The following GUCY1A2 variants were observed in gnomAD, a reference collection of about 807,000 sequenced individuals.
GUCY1A2 encodes the protein guanylate cyclase 1 soluble subunit alpha 2, also known as guanylate cyclase soluble subunit alpha-2.
GUCY1A2 carries 27 observed loss-of-function variants against 63.5 expected under a neutral mutation model. The ratio of observed to expected loss-of-function variants is 0.43; its 90% confidence interval spans 0.31 to 0.59. The LOEUF is 0.59. Among genes scored for constraint, GUCY1A2 ranks in the 20% least tolerant of loss-of-function variants. The pLI is 0.11. For synonymous variants in GUCY1A2, 364 were observed against 343.5 expected (o/e 1.06, Z -0.66); for missense variants, 768 against 913.3 (o/e 0.84, Z 2.05).
At chr11:106,714,360 G>C (rs1863180384) in intron 6 of GUCY1A2, among the ~76,000 whole-genome samples, 1 of 152,180 alleles carries the variant, frequency 6.6e-6, no homozygotes, top group East Asian at 1.9e-4. Context: ...AGTTTGGGAA[G>C]TAAGGCGATA....
rs111904120 is a variant in GUCY1A2 at position 106,888,463 on chromosome 11, T to A, written c.1206+50997A>T. 8.2e-4 allele frequency among the ~76,000 whole-genome samples: 124 copies of A among 151,660 alleles called. 1 individual carries two copies. The highest frequency in any genetic ancestry group is 2.9e-3 in the African/African-American group (120 of 41,416). ...CTGGGCGACAAAGCAAGATGCCATC[T>A]CAAAAAAGAAAGAAAAAAAAATGAT... is the stretch of plus-strand genomic sequence containing the variant. On this transcript the variant is annotated intron_variant, in intron 4 of 7. Coordinates refer to ENST00000526355, the MANE Select transcript of GUCY1A2 (RefSeq NM_000855.3).
intron 5 of GUCY1A2, among the ~76,000 whole-genome samples, chr11:106,785,575 C>T (rs1176700987): frequency 6.6e-6 from 1 of 151,560 alleles, no homozygotes; most frequent in Non-Finnish European, 1.5e-5. Flanking sequence ...ATCAGGATGC[C>T]CATAAGAGTT....
Position 106,741,280 on chromosome 11 carries a change from G to C in GUCY1A2, c.1837-32614C>G, listed in dbSNP as rs187097738. ...AGAAAGTCTTCAAGTCTGGTATGTA[G>C]TTTTTATTTACAGCACATCTCAATT... On this transcript the variant is annotated intron_variant, in intron 6 of 7. Transcript: ENST00000526355. Among the ~76,000 whole-genome samples the C allele has an allele frequency of 1.4e-3, 214 of 152,264 alleles. 1 individual carries two copies. Among genetic ancestry groups the C allele is most frequent in the African/African-American group, 5.0e-3 (209 of 41,572 alleles).
At chr11:106,779,723 T>C (rs1247178961) in intron 5 of GUCY1A2, among the ~76,000 whole-genome samples, 2 of 152,224 alleles carry the variant, frequency 1.3e-5, no homozygotes, top group African/African-American at 4.8e-5. Flanking sequence ...ACATGGAGAT[T>C]AGTTAGTTAT....
rs1862452414 is a variant in GUCY1A2, at chr11:106,682,747, A to C, written c.*4802T>G. On this transcript the variant is annotated 3_prime_UTR_variant, in exon 8 of 8. Transcript: ENST00000526355. ...TAATCACTTTATAAAACTATTTTAGAATATGGGATTAGCTGTGATACTTCC... is the reference window on the plus strand; with the variant it reads ...TAATCACTTTATAAAACTATTTTAGCATATGGGATTAGCTGTGATACTTCC... 4.8e-6 allele frequency: 1 copy of C among 210,268 alleles called. No individual in the cohort carries two copies. Among genetic ancestry groups the C allele is most frequent in the South Asian group, 1.9e-4 (1 of 5,342 alleles). 13.0% of individuals were successfully genotyped at this position (210,268 alleles called of 1,614,324 possible).
At chr11:106,956,800 T>C (rs1352520110) in intron 3 of GUCY1A2, among the ~76,000 whole-genome samples, 26 of 152,158 alleles carry the variant, frequency 1.7e-4, no homozygotes. Context: ...TGAAGCACTT[T>C]GTCCTTTGGT....
At chr11:106,756,379 A>G (rs1442787166) in intron 6 of GUCY1A2, among the ~76,000 whole-genome samples, 1 of 152,012 alleles carries the variant, frequency 6.6e-6, no homozygotes, top group Non-Finnish European at 1.5e-5. Flanking sequence ...TGTGAATTTG[A>G]TTTTGTCCTC....
At chr11:106,846,379 A>G (rs1383818360) in intron 4 of GUCY1A2, among the ~76,000 whole-genome samples, 2 of 151,602 alleles carry the variant, frequency 1.3e-5, no homozygotes, top group Non-Finnish European at 3.0e-5. Flanking sequence ...CTAGTTTCCA[A>G]CTTTTCTGGA....
intron 6 of GUCY1A2, among the ~76,000 whole-genome samples, chr11:106,711,989 G>A (rs1484930733): frequency 1.3e-5 from 2 of 151,508 alleles, no homozygotes; most frequent in Non-Finnish European, 2.9e-5. Context: ...ATCAGTTTTA[G>A]GTAATTTAGT....
At chr11:106,952,478 G>T (rs186610542) in intron 3 of GUCY1A2, among the ~76,000 whole-genome samples, 126 of 152,102 alleles carry the variant, frequency 8.3e-4, no homozygotes, top group African/African-American at 2.8e-3. Context: ...GTATTCCTAG[G>T]TATTTTATTC....
chr11:106,787,856 G>C (rs1344937175), intron 5 of GUCY1A2, among the ~76,000 whole-genome samples: 1 of 151,952 alleles, frequency 6.6e-6, no homozygotes, highest in Non-Finnish European at 1.5e-5. Context: ...GGGAGTGCAG[G>C]TATCTCTTCC....
At chr11:106,876,021 CA>C (rs1362879437) in intron 4 of GUCY1A2, among the ~76,000 whole-genome samples, 1 of 151,812 alleles carries the variant, frequency 6.6e-6, no homozygotes, top group African/African-American at 2.4e-5. Context: ...TGACCCTTTC[CA>C]GGTGAAAGCA....
chr11:106,921,648 C>T (rs972300933), intron 4 of GUCY1A2, among the ~76,000 whole-genome samples: 2 of 151,914 alleles, frequency 1.3e-5, no homozygotes, highest in African/African-American at 4.8e-5. Context: ...TGTAAAATGG[C>T]GATAGTAATT....
chr11:107,011,232 A>C (rs1316187545), intron 1 of GUCY1A2, among the ~76,000 whole-genome samples: 1 of 152,186 alleles, frequency 6.6e-6, no homozygotes, highest in African/African-American at 2.4e-5. Context: ...ATCTCAAAAA[A>C]GAAAATTATA....
intron 4 of GUCY1A2, among the ~76,000 whole-genome samples, chr11:106,874,147 G>A (rs1565316800): frequency 6.6e-6 from 1 of 152,094 alleles, no homozygotes; most frequent in African/African-American, 2.4e-5. Flanking sequence ...CTAGCACAAT[G>A]TCTTCTAATT....
intron 6 of GUCY1A2, among the ~76,000 whole-genome samples, chr11:106,734,021 A>G (rs1201480769): frequency 3.3e-5 from 5 of 152,164 alleles, no homozygotes; most frequent in Non-Finnish European, 5.9e-5. Context: ...ATAGGTAACA[A>G]TATAGTAATC....
At chr11:106,778,863 G>T (rs1044861141) in intron 5 of GUCY1A2, among the ~76,000 whole-genome samples, 1 of 151,884 alleles carries the variant, frequency 6.6e-6, no homozygotes, top group African/African-American at 2.4e-5. Context: ...TTTTATGAGC[G>T]CCATCTAGAT....
At chr11:106,768,350 C>T (rs184576208) in intron 6 of GUCY1A2, among the ~76,000 whole-genome samples, 44 of 59,016 alleles carry the variant, frequency 7.5e-4, no homozygotes, top group Admixed American at 1.5e-3. Flanking sequence ...GGATGGAATA[C>T]CTTTAAAATA....
At chr11:106,975,290 T>G (rs1861247325) in intron 3 of GUCY1A2, among the ~76,000 whole-genome samples, 1 of 152,168 alleles carries the variant, frequency 6.6e-6, no homozygotes, top group South Asian at 2.1e-4. Flanking sequence ...AATACATGCT[T>G]CATCATACCA....
Sources: allele counts gnomAD v4.1 joint callset (sites outside exome capture counted in the v4.1 genomes callset), GRCh38; gene constraint gnomAD v4.1.1; transcripts MANE v1.5; gene names NCBI Gene and HGNC (gene_info 2026-07-23, HGNC 2026-07-21).